Variants in CACNA2D3 observed in about 807,000 individuals in gnomAD.
CACNA2D3 encodes the protein voltage-dependent calcium channel subunit alpha-2/delta-3.
CACNA2D3 carries 60 observed loss-of-function variants against 160.6 expected under a neutral mutation model. The observed-to-expected ratio is 0.37, with a 90% CI of 0.30 to 0.46. The LOEUF (loss-of-function observed/expected upper bound fraction) is 0.46. Among genes scored for constraint, CACNA2D3 ranks in the 20% least tolerant of loss-of-function variants. CACNA2D3 has a pLI of 1.00. For missense variants in CACNA2D3, 1,205 were observed against 1,365.0 expected (o/e 0.88, Z 1.85); for synonymous variants, 558 against 492.9 (o/e 1.13, Z -1.75).
chr3:54,774,408 G>A (rs1702381968), intron 13 of CACNA2D3, among the ~76,000 whole-genome samples: 2 of 152,022 alleles, frequency 1.3e-5, no homozygotes, highest in African/African-American at 4.8e-5. Context: ...GAGAGAGAGT[G>A]GGGAGGTGCT....
In CACNA2D3 at chr3:54,759,631, A is replaced by G. The variant is rs147989913; in HGVS notation, c.1247-4587A>G. Among the ~76,000 whole-genome samples the G allele has an allele frequency of 1.4e-3, 215 of 152,298 alleles. 1 individual carries two copies. The highest frequency in any genetic ancestry group is 4.9e-3 in the African/African-American group (203 of 41,554). On this transcript the variant is annotated intron_variant, in intron 12 of 37. Transcript: ENST00000474759. The stretch of plus-strand genomic sequence containing the variant: ...TTATACATCTGCATCCCTGGTCTAC[A>G]TAGTGAAATATAAGTTGGAACTATA...
intron 13 of CACNA2D3, among the ~76,000 whole-genome samples, chr3:54,784,093 T>C (rs532429466): frequency 6.6e-6 from 1 of 152,322 alleles, no homozygotes; most frequent in South Asian, 2.1e-4. Flanking sequence ...TTAATGACTT[T>C]GTATGGTAAG....
chr3:54,982,084 T>C (rs1411231662), intron 29 of CACNA2D3, among the ~76,000 whole-genome samples: 2 of 152,202 alleles, frequency 1.3e-5, no homozygotes. Flanking sequence ...GTTTCCCTTT[T>C]TCGGGGGAGG....
intron 35 of CACNA2D3, among the ~76,000 whole-genome samples, chr3:55,066,684 A>AG (rs1364787382): frequency 6.6e-6 from 1 of 152,174 alleles, no homozygotes; most frequent in African/African-American, 2.4e-5. Context: ...TGAGTGGGAA[A>AG]GGGAGGACTG....
intron 3 of CACNA2D3, among the ~76,000 whole-genome samples, chr3:54,364,314 T>G (rs1028406932): frequency 8.5e-5 from 13 of 152,234 alleles, no homozygotes; most frequent in Non-Finnish European, 1.8e-4. Context: ...ACATACGATT[T>G]TATCTTTCTG....
chr3:54,604,613 G>GTCACCTGT (rs1016845745), intron 9 of CACNA2D3, among the ~76,000 whole-genome samples: 67 of 152,166 alleles, frequency 4.4e-4, no homozygotes, highest in Non-Finnish European at 6.3e-4. Context: ...AGCAAGTCCT[G>GTCACCTGT]TCACCTGTGC....
At chr3:54,321,832 A>T (rs570512759) in intron 3 of CACNA2D3, among the ~76,000 whole-genome samples, 1 of 149,974 alleles carries the variant, frequency 6.7e-6, no homozygotes, top group Non-Finnish European at 1.5e-5. Context: ...CTTTATGCAT[A>T]TGAAAGCATT....
rs550225880 is a variant in CACNA2D3 at position 54,123,560 on chromosome 3, C to T, written c.170C>T (p.Ala57Val). 1.4e-4 allele frequency: 233 copies of T among 1,613,860 alleles called. No homozygotes were observed. Among genetic ancestry groups the T allele is most frequent in the Admixed American group, 3.8e-4 (23 of 60,014 alleles). The change falls in exon 2 of 38, where the codon GCT (alanine) becomes GTT (valine). Residue 57 changes from alanine (A) to valine (V), a missense_variant. By Grantham distance (64) the Ala-to-Val change is moderately conservative (BLOSUM62 0). Coordinates refer to ENST00000474759, the MANE Select transcript of CACNA2D3 (RefSeq NM_018398.3). ...TTTGGTGGGGAGATAAAATCCATTG[C>T]TGCTAAGTACTCCGGTTCCCAGCTT... Reference protein sequence around the residue: ...SAFGGEIKSIAAKYSGSQLLQ... With the variant: ...SAFGGEIKSIVAKYSGSQLLQ...
At chr3:55,052,278 A>T (rs568747158) in intron 35 of CACNA2D3, among the ~76,000 whole-genome samples, 52 of 152,242 alleles carry the variant, frequency 3.4e-4, no homozygotes, top group African/African-American at 1.3e-3. Flanking sequence ...GTTCTATTTT[A>T]TTATGGTTTG....
At chr3:54,288,549 G>T (rs9757136) in intron 2 of CACNA2D3, among the ~76,000 whole-genome samples, 84,778 of 151,496 alleles carry the variant, frequency 0.56, 24,265 homozygotes, top group East Asian at 0.72. Flanking sequence ...AGAAAAAGAG[G>T]GAATCCTCCC....
rs144394209 is a variant in CACNA2D3 at position 54,139,048 on chromosome 3, C to T, written c.204+15454C>T. Among the ~76,000 whole-genome samples the T allele has an allele frequency of 3.0e-3, 463 of 152,312 alleles. 4 individuals are homozygous for T. The highest frequency in any genetic ancestry group is 5.2e-3 in the Non-Finnish European group (356 of 68,024). On this transcript the variant is annotated intron_variant, in intron 2 of 37. Transcript: ENST00000474759. ...AGGTTCTAGTTCTGGCCTGACACTG[C>T]TGAGCTTGGGGATCTGGGGCAGCTC...
intron 2 of CACNA2D3, among the ~76,000 whole-genome samples, chr3:54,295,036 A>T (rs1703310079): frequency 6.6e-6 from 1 of 152,214 alleles, no homozygotes; most frequent in South Asian, 2.1e-4. Context: ...GAAGAAATAA[A>T]TCCATTTTGT....
chr3:54,960,448 C>G (rs970671460), intron 27 of CACNA2D3, among the ~76,000 whole-genome samples: 2 of 152,168 alleles, frequency 1.3e-5, no homozygotes, highest in Non-Finnish European at 2.9e-5. Context: ...TTCACTTGCA[C>G]TAGGCTAAAA....
At chr3:54,546,257 G>A (rs1341901464) in intron 5 of CACNA2D3, among the ~76,000 whole-genome samples, 6 of 152,206 alleles carry the variant, frequency 3.9e-5, no homozygotes, top group Admixed American at 1.3e-4. Context: ...CACGGGCAAT[G>A]TCTGGATCAT....
In CACNA2D3 at chr3:54,886,097, T is replaced by C. The variant is rs376347517; in HGVS notation, c.2056+511T>C. Among the ~76,000 whole-genome samples, 7 of 152,222 alleles carry C rather than the reference T, an allele frequency of 4.6e-5. No individual in the cohort carries two copies. The South Asian group carries it at 1.5e-3, about 32-fold the overall frequency. On this transcript the variant is annotated intron_variant, in intron 23 of 37. Coordinates refer to ENST00000474759, the MANE Select transcript of CACNA2D3 (RefSeq NM_018398.3). ...AGTGAGTAGGAAATCTCTCAGCTGG[T>C]GCAAAAGAGGGAAGAGCAGTGGCAG...
intron 9 of CACNA2D3, among the ~76,000 whole-genome samples, chr3:54,598,614 G>A (rs978538174): frequency 1.1e-4 from 16 of 152,270 alleles, no homozygotes; most frequent in African/African-American, 3.9e-4. Context: ...CCAGGAAGAT[G>A]AGTCCTTCTG....
At chr3:54,703,374 G>T (rs960230074) in intron 11 of CACNA2D3, among the ~76,000 whole-genome samples, 4 of 152,052 alleles carry the variant, frequency 2.6e-5, no homozygotes, top group African/African-American at 9.7e-5. Flanking sequence ...AATTTTACAG[G>T]CCTAATCCTA....
intron 14 of CACNA2D3, among the ~76,000 whole-genome samples, chr3:54,821,162 C>T (rs1703582569): frequency 6.6e-6 from 1 of 152,174 alleles, no homozygotes; most frequent in Non-Finnish European, 1.5e-5. Flanking sequence ...CTATGTCTTT[C>T]CTGACACCGT....
At chr3:54,736,083 G>GTATATATACATACATATATA (rs1265902604) in intron 11 of CACNA2D3, among the ~76,000 whole-genome samples, 1 of 34,238 alleles carries the variant, frequency 2.9e-5, no homozygotes, top group Non-Finnish European at 5.4e-5. Flanking sequence ...ACATATATAT[G>GTATATATACATACATATATA]TATGTGTATA....
Sources: allele counts gnomAD v4.1 joint callset (sites outside exome capture counted in the v4.1 genomes callset), GRCh38; gene constraint gnomAD v4.1.1; transcripts MANE v1.5; gene names NCBI Gene and HGNC (gene_info 2026-07-23, HGNC 2026-07-21).